Variants in KLHL5 observed in about 807,000 individuals in gnomAD.
The protein encoded by KLHL5 is kelch like family member 5.
Under a neutral mutation model 77.7 loss-of-function variants are expected in KLHL5, and 48 were observed. That is an observed-to-expected ratio of 0.62 (90% CI 0.49 to 0.79). The LOEUF is 0.79. KLHL5 is among the 30% of genes least tolerant of loss of function. KLHL5 has a pLI of 0.00. For missense variants in KLHL5, 723 were observed against 859.7 expected, an observed-to-expected ratio of 0.84 and a Z score of 1.99; for synonymous variants, 260 against 297.0, an observed-to-expected ratio of 0.88 and a Z score of 1.28.
intron 1 of KLHL5, 143 bp downstream of exon 1, chr4:39,063,178 G>A (rs1011508833): frequency 3.5e-6 from 2 of 569,752 alleles, no homozygotes; most frequent in African/African-American, 1.9e-5. Flanking sequence ...ATGAACATGT[G>A]ATACTTCTGC....
intron 6 of KLHL5, among the ~76,000 whole-genome samples, chr4:39,099,901 A>T (rs1721396763): frequency 6.6e-6 from 1 of 152,210 alleles, no homozygotes; most frequent in Non-Finnish European, 1.5e-5. Flanking sequence ...GATAATCTGC[A>T]AATACTTATT....
Position 39,123,363 on chromosome 4 carries a change from A to G in KLHL5, c.*2297A>G, listed in dbSNP as rs1424565434. Among the ~76,000 whole-genome samples, 1 of 152,236 alleles carries G rather than the reference A, an allele frequency of 6.6e-6. No individual in the cohort carries two copies. Among genetic ancestry groups the G allele is most frequent in the Non-Finnish European group, 1.5e-5 (1 of 68,032 alleles). On this transcript the variant is annotated 3_prime_UTR_variant, in exon 11 of 11. Transcript: ENST00000504108. ...AGAAAGGAGCACCCTGTGACATTCT[A>G]TAAGGCGGACATTACCTTAACACCA...
Position 39,113,678 on chromosome 4 carries a change from G to A in KLHL5, c.1901+446G>A, listed in dbSNP as rs569293900. 4.6e-5 allele frequency among the ~76,000 whole-genome samples: 7 copies of A among 152,348 alleles called. No individual in the cohort carries two copies. The South Asian group carries it at 1.4e-3, about 32-fold the overall frequency. On this transcript the variant is annotated intron_variant, in intron 9 of 10. Coordinates refer to ENST00000504108, the MANE Select transcript of KLHL5 (RefSeq NM_015990.5). Reference sequence around the variant, plus strand: ...GAGCCAAATAGCAGTGGAAGATTTGGATGGTAGGTCAGGTTCCCATTTATT... The same window carrying A: ...GAGCCAAATAGCAGTGGAAGATTTGAATGGTAGGTCAGGTTCCCATTTATT...
At chr4:39,099,154 G>A (rs1721334799) in intron 6 of KLHL5, among the ~76,000 whole-genome samples, 1 of 152,042 alleles carries the variant, frequency 6.6e-6, no homozygotes, top group African/African-American at 2.4e-5. Flanking sequence ...CAGGCATGGT[G>A]GCAGGTGCCT....
the KLHL5 span, among the ~76,000 whole-genome samples, chr4:39,134,564 A>G: frequency 6.6e-6 from 1 of 152,204 alleles, no homozygotes; most frequent in Non-Finnish European, 1.5e-5. Context: ...ACACAGGATG[A>G]TACATACTTG....
At chr4:39,065,762 A>G (rs1424245357) in intron 1 of KLHL5, among the ~76,000 whole-genome samples, 1 of 77,240 alleles carries the variant, frequency 1.3e-5, no homozygotes, top group Non-Finnish European at 3.0e-5. Flanking sequence ...CTACAGATTG[A>G]TATCTTAAAA....
chr4:39,130,354 T>C (rs987541552), downstream of KLHL5, among the ~76,000 whole-genome samples: 2 of 152,190 alleles, frequency 1.3e-5, no homozygotes, highest in African/African-American at 4.8e-5. Context: ...ATGCTATTGT[T>C]TGTGGCTTAA....
At position 39,081,699 on chromosome 4, in the gene KLHL5, G is replaced by A. The variant is rs1235922759; in HGVS notation, c.704-264G>A. 6.6e-6 allele frequency among the ~76,000 whole-genome samples: 1 copy of A among 151,800 alleles called. No individual in the cohort carries two copies. The highest frequency in any genetic ancestry group is 1.5e-5 in the Non-Finnish European group (1 of 67,950). On this transcript the variant is annotated intron_variant, in intron 3 of 10. Coordinates refer to ENST00000504108, the MANE Select transcript of KLHL5 (RefSeq NM_015990.5). This position sits in a 1 kb window ranked among gnomAD's most constrained non-coding sequence, Gnocchi z 4.3. The stretch of plus-strand genomic sequence containing the variant: ...AAAAAAAAAAATTGAGAGTTATACA[G>A]GTATATAGTAGACATAAGTTACTAA...
intron 1 of KLHL5, among the ~76,000 whole-genome samples, chr4:39,045,256 G>A (rs1336176238): frequency 6.7e-6 from 1 of 150,350 alleles, no homozygotes; most frequent in African/African-American, 2.4e-5. Flanking sequence ...CCTCGGGTCC[G>A]GAGGGGCTGG....
At chr4:39,051,740 C>G (rs1304769533) in intron 1 of KLHL5, among the ~76,000 whole-genome samples, 1 of 152,174 alleles carries the variant, frequency 6.6e-6, no homozygotes, top group African/African-American at 2.4e-5. Context: ...CAAACCAGGT[C>G]CCACAGGAGC....
chr4:39,115,069 T>C, intron 9 of KLHL5, 90 bp from the exon 10 acceptor site: 1 of 1,108,268 alleles, frequency 9.0e-7, no homozygotes, highest in East Asian at 2.5e-5. Context: ...TAGTAGATAA[T>C]GAGTCAGAAG....
intron 1 of KLHL5, among the ~76,000 whole-genome samples, chr4:39,071,060 C>G (rs1033930151): frequency 1.3e-5 from 2 of 151,956 alleles, no homozygotes. Flanking sequence ...TTTTAAATTT[C>G]TGTTTTTGTC....
chr4:39,062,541 T>TC lies in KLHL5; in HGVS notation c.-112_-111insC, dbSNP rs764235622. On this transcript the variant is annotated 5_prime_UTR_variant, in exon 1 of 11. Coordinates refer to ENST00000504108, the MANE Select transcript of KLHL5 (RefSeq NM_015990.5). The stretch of plus-strand genomic sequence containing the variant: ...TGAATGTGATTTATTTTCCTTTACA[T>TC]ATTTTTGTTGTGTACAGCAGGGCAT... 485 of 1,611,258 alleles carry TC rather than the reference T, an allele frequency of 3.0e-4. No homozygotes were observed. The highest frequency in any genetic ancestry group is 4.0e-4 in the Non-Finnish European group (471 of 1,177,890).
In KLHL5 at chr4:39,086,745, G is replaced by T; in HGVS notation, c.1113+18G>T. The T allele has an allele frequency of 6.4e-7, 1 of 1,569,738 alleles. No individual in the cohort carries two copies. The stretch of plus-strand genomic sequence containing the variant: ...CACCACAGGTAATTAATAGGCACTT[G>T]TTTATAGGAATTTTTCTTTGCCTAT... On this transcript the variant is annotated intron_variant, in intron 5 of 10. Transcript: ENST00000504108.
downstream of KLHL5, among the ~76,000 whole-genome samples, chr4:39,130,430 C>T (rs929635595): frequency 6.6e-6 from 1 of 152,140 alleles, no homozygotes; most frequent in Admixed American, 6.5e-5. Flanking sequence ...TCCCGTAAAC[C>T]CACAACCTTC....
chr4:39,086,641 A>C lies in KLHL5; in HGVS notation c.1027A>C (p.Thr343Pro). The change falls in exon 5 of 11, where the codon ACT becomes CCT. Residue 343 changes from threonine (T) to proline (P), a missense_variant. Physicochemically the swap from Thr to Pro is conservative, Grantham distance 38. This residue lies in a region of KLHL5 where 288 missense variants were observed against 400.3 expected (regional missense o/e 0.72). Transcript: ENST00000504108. ...NEETILNALL[T>P]WVRHDLEQRR... Reference sequence around the variant, plus strand: ...GGAGACAATATTGAATGCACTTCTTACTTGGGTCCGTCATGATTTGGAACA... The same window carrying C: ...GGAGACAATATTGAATGCACTTCTTCCTTGGGTCCGTCATGATTTGGAACA... The C allele has an allele frequency of 1.2e-6, 2 of 1,614,022 alleles. No individual in the cohort carries two copies. The highest frequency in any genetic ancestry group is 1.7e-6 in the Non-Finnish European group (2 of 1,179,948).
intron 7 of KLHL5, among the ~76,000 whole-genome samples, chr4:39,103,782 A>G (rs116018718): frequency 0.017 from 2,637 of 151,222 alleles, 79 homozygotes; most frequent in African/African-American, 0.061. Flanking sequence ...GCAACATAGG[A>G]AAAAAGTCTC....
At chr4:39,064,650 A>G (rs1392376995) in intron 1 of KLHL5, among the ~76,000 whole-genome samples, 4 of 152,170 alleles carry the variant, frequency 2.6e-5, no homozygotes, top group Admixed American at 6.5e-5. Flanking sequence ...ATTGGTTGCT[A>G]TAATTCCTTA....
rs1234240376 is a variant in KLHL5, at chr4:39,093,047, A to G, written c.1114-3645A>G. On this transcript the variant is annotated intron_variant, in intron 5 of 10. Transcript: ENST00000504108. ...AATATATCCACACAAAGACTTGGACATAAACGTTCTTGGCAGCTTTATTCA... is the reference window on the plus strand; with the variant it reads ...AATATATCCACACAAAGACTTGGACGTAAACGTTCTTGGCAGCTTTATTCA... 18 of 455,276 alleles carry G rather than the reference A, an allele frequency of 4.0e-5. 1 individual carries two copies. The East Asian group carries it at 1.1e-3, about 28-fold the overall frequency. The allele number at this position is 455,276 out of a possible 1,614,324, so 28.2% of individuals were successfully genotyped here.
Sources: gnomAD v4.1 joint callset for allele counts (sites outside exome capture counted in the v4.1 genomes callset) on GRCh38, gnomAD v4.1.1 for gene constraint, gnomAD v4.1.1 regional missense constraint, Gnocchi (gnomAD v3.1) non-coding constraint, MANE v1.5 for transcripts, NCBI Gene and HGNC (gene_info 2026-07-23, HGNC 2026-07-21) for gene names.